PHF21B: variants seen among roughly 807,000 people sequenced by gnomAD.
PHF21B encodes PHD finger protein 21B.
A neutral mutation model predicts 62.2 loss-of-function variants in PHF21B; 22 were observed. The ratio of observed to expected loss-of-function variants is 0.35; its 90% CI spans 0.25 to 0.51. The LOEUF (loss-of-function observed/expected upper bound fraction) is 0.51, where lower values mean the gene tolerates loss of function less well. Ranked by LOEUF, PHF21B falls within the 20% of genes least tolerant of loss-of-function variation. The pLI, the probability that PHF21B is intolerant of heterozygous loss-of-function variation, is 0.97. For synonymous variants in PHF21B, 341 were observed against 314.7 expected, an observed-to-expected ratio of 1.08 and a Z score of -0.88; for missense variants, 701 against 707.9, an observed-to-expected ratio of 0.99 and a Z score of 0.11.
chr22:44,932,636 G>C (rs892227843), intron 2 of PHF21B, among the ~76,000 whole-genome samples: 1 of 152,260 alleles, frequency 6.6e-6, no homozygotes, highest in African/African-American at 2.4e-5. Context: ...GACGGCCTGG[G>C]ATCTAACTGA....
At chr22:44,981,852 AAAG>A (rs1383589354) in intron 2 of PHF21B, among the ~76,000 whole-genome samples, 1 of 152,238 alleles carries the variant, frequency 6.6e-6, no homozygotes, top group Non-Finnish European at 1.5e-5. Context: ...TTGACCATGA[AAAG>A]AAGGTAACAA....
In PHF21B at chr22:44,895,382, G is replaced by A. The variant is rs186655325; in HGVS notation, c.883+650C>T. On this transcript the variant is annotated intron_variant, in intron 6 of 12. Coordinates refer to ENST00000313237, the MANE Select transcript of PHF21B (RefSeq NM_138415.5). ...GGCCCATGTGAAGCTGCCCTCATCCGTAAGGTCACACAGCCCCTTCGTAGA... is the reference window on the plus strand; with the variant it reads ...GGCCCATGTGAAGCTGCCCTCATCCATAAGGTCACACAGCCCCTTCGTAGA... Among the ~76,000 whole-genome samples the A allele has an allele frequency of 2.6e-3, 399 of 152,290 alleles. 2 individuals carry two copies. Among genetic ancestry groups the A allele is most frequent in the African/African-American group, 9.2e-3 (382 of 41,538 alleles).
At chr22:44,952,397 A>C (rs1015478608) in intron 2 of PHF21B, among the ~76,000 whole-genome samples, 26 of 152,364 alleles carry the variant, frequency 1.7e-4, no homozygotes, top group Non-Finnish European at 4.4e-5. Context: ...GAAACTGTTC[A>C]GTTCACTGTG....
At chr22:44,996,781 C>T (rs1426724129) in intron 2 of PHF21B, among the ~76,000 whole-genome samples, 1 of 152,138 alleles carries the variant, frequency 6.6e-6, no homozygotes, top group East Asian at 1.9e-4. Flanking sequence ...CGTGCATGCA[C>T]AAGCACACAC....
intron 8 of PHF21B, among the ~76,000 whole-genome samples, chr22:44,891,098 A>G (rs1202522113): frequency 1.3e-5 from 2 of 152,154 alleles, no homozygotes; most frequent in Admixed American, 6.5e-5. Flanking sequence ...GACCTCTCCC[A>G]GGCCACAGCT....
intron 2 of PHF21B, among the ~76,000 whole-genome samples, chr22:44,923,767 C>T (rs1191066435): frequency 6.6e-6 from 1 of 152,060 alleles, no homozygotes; most frequent in African/African-American, 2.4e-5. Flanking sequence ...CTTGAAATCC[C>T]AGCACTTTGG....
rs576878269 is a variant in PHF21B at position 44,975,997 on chromosome 22, A to T, written c.120+32548T>A. ...AGCCTGGGCAACATGGCGAAACCTC[A>T]TCTCTACAAAAAAATTCAAAAAATT... On this transcript the variant is annotated intron_variant, in intron 2 of 12. Coordinates refer to ENST00000313237, the MANE Select transcript of PHF21B (RefSeq NM_138415.5). Among the ~76,000 whole-genome samples, 16 of 152,230 alleles carry T rather than the reference A, an allele frequency of 1.1e-4. No homozygotes were observed. In the South Asian group the frequency reaches 1.9e-3, roughly 18 times the overall value.
intron 2 of PHF21B, among the ~76,000 whole-genome samples, chr22:44,995,684 G>A (rs561508080): frequency 4.6e-5 from 7 of 152,104 alleles, no homozygotes; most frequent in Admixed American, 1.3e-4. Flanking sequence ...TCGGCGCGTC[G>A]AGTCTGACTC....
intron 3 of PHF21B, among the ~76,000 whole-genome samples, chr22:44,917,784 G>T (rs2071465475): frequency 6.6e-6 from 1 of 152,208 alleles, no homozygotes; most frequent in Non-Finnish European, 1.5e-5. Context: ...GAGTGGTCCA[G>T]GGTGGCTCCT....
At chr22:44,922,385 C>A (rs1366129251) in intron 2 of PHF21B, among the ~76,000 whole-genome samples, 1 of 152,200 alleles carries the variant, frequency 6.6e-6, no homozygotes, top group Non-Finnish European at 1.5e-5. Flanking sequence ...GTAATCCCAG[C>A]ACTTTGGGAG....
At position 44,931,637 on chromosome 22, in the gene PHF21B, T is replaced by C. The variant is rs1449129336; in HGVS notation, c.121-11147A>G. ...ATGAACTAAGGATTGGGGGTTGTGATCTTGGGGGGGGGGTGTCAAAAAATG... is the reference window on the plus strand; with the variant it reads ...ATGAACTAAGGATTGGGGGTTGTGACCTTGGGGGGGGGGTGTCAAAAAATG... On this transcript the variant is annotated intron_variant, in intron 2 of 12. Transcript: ENST00000313237. 1.4e-4 allele frequency among the ~76,000 whole-genome samples: 9 copies of C among 65,224 alleles called. No individual in the cohort carries two copies. The East Asian group carries it at 4.6e-3, about 33-fold the overall frequency. The allele number at this position is 65,224 out of a possible 152,430, so 42.8% of individuals were successfully genotyped here.
chr22:44,976,578 T>C (rs374421626), intron 2 of PHF21B, among the ~76,000 whole-genome samples: 1 of 152,244 alleles, frequency 6.6e-6, no homozygotes, highest in South Asian at 2.1e-4. Flanking sequence ...TGTTCCGTCT[T>C]GTTTCTGCAA....
chr22:44,928,702 A>G (rs866139484), intron 2 of PHF21B, among the ~76,000 whole-genome samples: 1 of 152,238 alleles, frequency 6.6e-6, no homozygotes, highest in East Asian at 1.9e-4. Context: ...GAGCCAACAC[A>G]CATGGCTTAA....
chr22:44,988,284 T>C (rs996901967), intron 2 of PHF21B, among the ~76,000 whole-genome samples: 5 of 152,096 alleles, frequency 3.3e-5, no homozygotes, highest in South Asian at 2.1e-4. Context: ...CTGGGCATCA[T>C]AGTGAGACCT....
intron 5 of PHF21B, among the ~76,000 whole-genome samples, chr22:44,912,916 A>C (rs952779574): frequency 6.6e-6 from 1 of 151,146 alleles, no homozygotes; most frequent in African/African-American, 2.4e-5. Context: ...GAAAGGAAAA[A>C]AGAAAAGGAA....
intron 2 of PHF21B, among the ~76,000 whole-genome samples, chr22:44,965,053 G>A (rs950178122): frequency 5.3e-5 from 8 of 152,158 alleles, no homozygotes; most frequent in African/African-American, 1.9e-4. Flanking sequence ...GATATGGGGG[G>A]GCTCCCAACA....
rs143961588 is a variant in PHF21B, at chr22:44,914,676, T to C, written c.565-588A>G. ...AGGTGGGAATAACATTCTATTTTTT[T>C]TCACTGCCATGAGGCCCCTCACGTG... On this transcript the variant is annotated intron_variant, in intron 4 of 12. Coordinates refer to ENST00000313237, the MANE Select transcript of PHF21B (RefSeq NM_138415.5). Among the ~76,000 whole-genome samples, 614 of 152,332 alleles carry C rather than the reference T, an allele frequency of 4.0e-3. 6 individuals are homozygous for C. Among genetic ancestry groups the C allele is most frequent in the African/African-American group, 0.012 (499 of 41,576 alleles).
intron 5 of PHF21B, among the ~76,000 whole-genome samples, chr22:44,905,407 T>C (rs944564893): frequency 2.6e-5 from 4 of 152,244 alleles, no homozygotes; most frequent in African/African-American, 9.6e-5. Flanking sequence ...ATCCTTGGTT[T>C]TTGTGCTTCG....
At chr22:44,980,342 C>T (rs1349819110) in intron 2 of PHF21B, among the ~76,000 whole-genome samples, 1 of 152,146 alleles carries the variant, frequency 6.6e-6, no homozygotes, top group Non-Finnish European at 1.5e-5. Flanking sequence ...CACTGCTCAC[C>T]CACGCTGAAG....
Sources: allele counts gnomAD v4.1 joint callset (sites outside exome capture counted in the v4.1 genomes callset), GRCh38; gene constraint gnomAD v4.1.1; transcripts MANE v1.5; gene names NCBI Gene and HGNC (gene_info 2026-07-23, HGNC 2026-07-21).